Variants in HPSE2 observed in about 807,000 individuals in gnomAD.
HPSE2 encodes the protein inactive heparanase-2.
Under a neutral mutation model 60.5 loss-of-function variants are expected in HPSE2, and 38 were observed. The ratio of observed to expected loss-of-function variants is 0.63; its 90% CI spans 0.48 to 0.82. The LOEUF (loss-of-function observed/expected upper bound fraction) is 0.82, where lower values mean the gene tolerates loss of function less well. Among genes scored for constraint, HPSE2 ranks in the 40% least tolerant of loss-of-function variants. The probability of loss-of-function intolerance (pLI) is 0.00; values close to 1 mark genes in which losing one functional copy is unlikely to be tolerated. For missense variants in HPSE2, 713 were observed against 740.4 expected (o/e 0.96, Z 0.43); for synonymous variants, 295 against 293.2 (o/e 1.01, Z -0.06).
At chr10:98,719,753 C>A (rs1453437492) in intron 5 of HPSE2, among the ~76,000 whole-genome samples, 1 of 149,218 alleles carries the variant, frequency 6.7e-6, no homozygotes, top group Non-Finnish European at 1.5e-5. Flanking sequence ...GTAATCCTAG[C>A]ACTTTGGGAG....
intron 3 of HPSE2, among the ~76,000 whole-genome samples, chr10:98,799,155 A>G (rs1238348400): frequency 1.3e-5 from 2 of 152,242 alleles, no homozygotes; most frequent in East Asian, 1.9e-4. Flanking sequence ...ATCAGACAAA[A>G]CAGATTTCAA....
chr10:98,802,610 G>T (rs1289076877), intron 3 of HPSE2, among the ~76,000 whole-genome samples: 2 of 151,254 alleles, frequency 1.3e-5, no homozygotes, highest in African/African-American at 2.4e-5. Flanking sequence ...TGAGAATGAT[G>T]ATTTCCAATT....
chr10:98,652,231 A>AT (rs750304019), intron 6 of HPSE2, among the ~76,000 whole-genome samples: 1 of 152,222 alleles, frequency 6.6e-6, no homozygotes, highest in Non-Finnish European at 1.5e-5. Context: ...AGAAGCAAGT[A>AT]TATACACAGA....
chr10:98,810,049 C>T (rs371508080), intron 3 of HPSE2, among the ~76,000 whole-genome samples: 4 of 152,058 alleles, frequency 2.6e-5, no homozygotes, highest in African/African-American at 9.7e-5. Flanking sequence ...TCTGCTTTGT[C>T]CAAAGATACT....
At chr10:98,690,289 C>T (rs1948041839) in intron 6 of HPSE2, among the ~76,000 whole-genome samples, 1 of 152,164 alleles carries the variant, frequency 6.6e-6, no homozygotes, top group Admixed American at 6.5e-5. Context: ...GCCTGTAATC[C>T]CAGCACTTTG....
At chr10:98,576,973 G>C (rs1388579467) in intron 9 of HPSE2, among the ~76,000 whole-genome samples, 1 of 151,542 alleles carries the variant, frequency 6.6e-6, no homozygotes, top group Non-Finnish European at 1.5e-5. Flanking sequence ...TGAATTTCTG[G>C]TACGAACGAT....
At chr10:99,282,748 TAAAC>T in the HPSE2 span, among the ~76,000 whole-genome samples, 3 of 152,054 alleles carry the variant, frequency 2.0e-5, no homozygotes, top group South Asian at 2.1e-4. Flanking sequence ...AGCACATGCT[TAAAC>T]AAACAATCAG....
intron 3 of HPSE2, among the ~76,000 whole-genome samples, chr10:99,053,400 G>T (rs896618386): frequency 1.3e-5 from 2 of 151,820 alleles, no homozygotes; most frequent in Non-Finnish European, 2.9e-5. Flanking sequence ...GACATTAGAA[G>T]AATTAAAATA....
intron 7 of HPSE2, among the ~76,000 whole-genome samples, chr10:98,639,279 C>A (rs1306097627): frequency 6.6e-6 from 1 of 152,184 alleles, no homozygotes; most frequent in African/African-American, 2.4e-5. Flanking sequence ...CCTCTGTACC[C>A]TTTGAGAATT....
At chr10:98,888,172 A>ATG (rs1554836960) in intron 3 of HPSE2, among the ~76,000 whole-genome samples, 4 of 150,066 alleles carry the variant, frequency 2.7e-5, no homozygotes, top group South Asian at 2.1e-4. Context: ...ACACACACAC[A>ATG]CATGCATGAT....
At chr10:99,179,456 A>G (rs931027536) in intron 2 of HPSE2, among the ~76,000 whole-genome samples, 1 of 152,206 alleles carries the variant, frequency 6.6e-6, no homozygotes, top group African/African-American at 2.4e-5. Context: ...AAGCATTCCT[A>G]TACACCAATA....
At chr10:98,573,815 T>C (rs2133903878) in intron 9 of HPSE2, among the ~76,000 whole-genome samples, 1 of 152,352 alleles carries the variant, frequency 6.6e-6, no homozygotes, top group South Asian at 2.1e-4. Flanking sequence ...AGATGGCCTC[T>C]AATTTAGTTA....
chr10:98,883,816 T>C (rs1953092183), intron 3 of HPSE2, among the ~76,000 whole-genome samples: 1 of 151,816 alleles, frequency 6.6e-6, no homozygotes, highest in Non-Finnish European at 1.5e-5. Context: ...AAAAGTAAAA[T>C]AAATAAAATA....
chr10:98,611,037 C>A (rs1378528324), intron 9 of HPSE2, among the ~76,000 whole-genome samples: 1 of 151,368 alleles, frequency 6.6e-6, no homozygotes, highest in Non-Finnish European at 1.5e-5. Flanking sequence ...CCCAAGGGAG[C>A]CCGTGACTGA....
At chr10:99,104,828 C>T (rs1411810022) in intron 3 of HPSE2, among the ~76,000 whole-genome samples, 1 of 151,922 alleles carries the variant, frequency 6.6e-6, no homozygotes, top group Non-Finnish European at 1.5e-5. Flanking sequence ...AACCAAACAC[C>T]ACATGTTCTC....
Position 99,147,639 on chromosome 10 carries a change from C to T in HPSE2, c.449-3240G>A, listed in dbSNP as rs191943704. 7.2e-5 allele frequency among the ~76,000 whole-genome samples: 11 copies of T among 152,078 alleles called. No homozygotes were observed. In the East Asian group the frequency reaches 7.7e-4, roughly 11 times the overall value. Reference sequence around the variant, plus strand: ...AAGGAAAACTATGAACATGGCCAAACGTATGCCCTAAACTTTAGAAAAGCA... The same window carrying T: ...AAGGAAAACTATGAACATGGCCAAATGTATGCCCTAAACTTTAGAAAAGCA... On this transcript the variant is annotated intron_variant, in intron 2 of 11. Transcript: ENST00000370552.
chr10:98,929,223 G>A (rs1954576382), intron 3 of HPSE2, among the ~76,000 whole-genome samples: 1 of 142,980 alleles, frequency 7.0e-6, no homozygotes, highest in Non-Finnish European at 1.5e-5. Flanking sequence ...AATATGCCAG[G>A]CAAAAGAACA....
chr10:99,311,240 A>G, the HPSE2 span, among the ~76,000 whole-genome samples: 1 of 152,230 alleles, frequency 6.6e-6, no homozygotes, highest in African/African-American at 2.4e-5. Flanking sequence ...ATGTATATAG[A>G]TACTGAACAT....
chr10:99,311,783 G>GT, the HPSE2 span, among the ~76,000 whole-genome samples: 6 of 152,334 alleles, frequency 3.9e-5, no homozygotes, highest in East Asian at 9.6e-4. Context: ...AGTGAGGAAG[G>GT]TATGTCAAAA....
Sources: gnomAD v4.1 joint callset for allele counts (sites outside exome capture counted in the v4.1 genomes callset) on GRCh38, gnomAD v4.1.1 for gene constraint, MANE v1.5 for transcripts, NCBI Gene and HGNC (gene_info 2026-07-23, HGNC 2026-07-21) for gene names.